RGS5: variants seen among roughly 807,000 people sequenced by gnomAD.
The protein encoded by RGS5 is regulator of G protein signaling 5, also known as regulator of G-protein signalling 5.
In RGS5, 20 loss-of-function variants were observed where a neutral mutation model predicts 18.9. That is an observed-to-expected ratio of 1.06 (90% CI 0.74 to 1.54). RGS5 has a LOEUF of 1.54. Ranked by LOEUF, RGS5 falls within the 40% of genes most tolerant of loss-of-function variation. The pLI, the probability that RGS5 is intolerant of heterozygous loss-of-function variation, is 0.00. For synonymous variants in RGS5, 57 were observed against 76.2 expected (o/e 0.75, Z 1.31); for missense variants, 201 against 211.8 (o/e 0.95, Z 0.32).
intron 2 of RGS5, among the ~76,000 whole-genome samples, chr1:163,293,593 C>T (rs569269269): frequency 2.0e-5 from 3 of 152,174 alleles, no homozygotes; most frequent in African/African-American, 7.2e-5. Flanking sequence ...GCCCCTGGCC[C>T]CTCCCAAATC....
At chr1:163,218,405 A>G (rs1360056496), upstream of RGS5, among the ~76,000 whole-genome samples, 1 of 152,176 alleles carries the variant, frequency 6.6e-6, no homozygotes, top group African/African-American at 2.4e-5. Context: ...TATCATTTAC[A>G]TTCAAAACTA....
At position 163,152,597 on chromosome 1, in the gene RGS5, C is replaced by A; in HGVS notation, c.337G>T (p.Ala113Ser). 6.2e-7 allele frequency: 1 copy of A among 1,612,842 alleles called. No individual in the cohort carries two copies. The highest frequency in any genetic ancestry group is 8.5e-7 in the Non-Finnish European group (1 of 1,179,294). The change falls in exon 4 of 5, where the codon GCA becomes TCA. Residue 113 changes from alanine to serine, a missense_variant. By Grantham distance (99) the Ala-to-Ser change is moderately conservative. Coordinates refer to ENST00000313961, the MANE Select transcript of RGS5 (RefSeq NM_003617.4). ...IKSPAKMAEK[A>S]KQIYEEFIQT... is the part of the protein sequence containing the mutation. ...ATGAATTCTTCATAAATTTGCTTTG[C>A]CTTCTCAGCCATCTTGGCAGGGGAC...
At chr1:163,245,874 T>A (rs531880336) in intron 2 of RGS5, among the ~76,000 whole-genome samples, 15 of 152,356 alleles carry the variant, frequency 9.8e-5, no homozygotes, top group African/African-American at 3.6e-4. Flanking sequence ...ATCACTCAGA[T>A]TATGCCTTCA....
chr1:163,170,945 G>A (rs1207320751), intron 1 of RGS5, among the ~76,000 whole-genome samples: 1 of 152,156 alleles, frequency 6.6e-6, no homozygotes, highest in Non-Finnish European at 1.5e-5. Context: ...AATTTGGACT[G>A]ATAAAATAGT....
intron 1 of RGS5, among the ~76,000 whole-genome samples, chr1:163,199,017 C>A (rs1215703497): frequency 6.6e-6 from 1 of 151,854 alleles, no homozygotes. Context: ...TCCCAAAGAG[C>A]AATATTTACT....
chr1:163,152,537 C>A lies in RGS5; in HGVS notation c.384+13G>T. Reference sequence around the variant, plus strand: ...GAGCTGCCCTTAACTGACCCACCTACCCAGAGACCAACCTCTTTAGGAGCC... The same window carrying A: ...GAGCTGCCCTTAACTGACCCACCTAACCAGAGACCAACCTCTTTAGGAGCC... On this transcript the variant is annotated intron_variant, in intron 4 of 4. Transcript: ENST00000313961. 2 of 1,606,182 alleles carry A rather than the reference C, an allele frequency of 1.2e-6. No individual in the cohort carries two copies. Among genetic ancestry groups the A allele is most frequent in the Non-Finnish European group, 8.5e-7 (1 of 1,176,542 alleles).
upstream of RGS5, among the ~76,000 whole-genome samples, chr1:163,206,993 CAACT>C (rs759720535): frequency 7.2e-5 from 11 of 152,056 alleles, 1 homozygote; most frequent in Admixed American, 1.3e-4. Flanking sequence ...ATTATAATGA[CAACT>C]AACACTACTG....
intron 2 of RGS5, among the ~76,000 whole-genome samples, chr1:163,279,356 T>C (rs1648934600): frequency 6.6e-6 from 1 of 150,902 alleles, no homozygotes; most frequent in African/African-American, 2.4e-5. Context: ...TAGAAATCAA[T>C]AAGAAGAGGA....
chr1:163,194,888 T>C (rs946713590), intron 1 of RGS5, among the ~76,000 whole-genome samples: 1 of 152,160 alleles, frequency 6.6e-6, no homozygotes, highest in Non-Finnish European at 1.5e-5. Flanking sequence ...AAAGACTTGA[T>C]ATGTTTTGTA....
intron 2 of RGS5, among the ~76,000 whole-genome samples, chr1:163,249,624 C>T (rs1648054537): frequency 6.6e-6 from 1 of 152,160 alleles, no homozygotes; most frequent in Non-Finnish European, 1.5e-5. Context: ...AACCCTGTCT[C>T]TACTAAAAAT....
chr1:163,212,297 C>T (rs1014914062), intron 1 of RGS5: 5 of 152,128 alleles, frequency 3.3e-5, no homozygotes, highest in Non-Finnish European at 7.4e-5. Flanking sequence ...TTTTATTTGT[C>T]TTTGGGTCCC....
At chr1:163,160,014 T>C (rs964118406) in intron 3 of RGS5, among the ~76,000 whole-genome samples, 1 of 152,148 alleles carries the variant, frequency 6.6e-6, no homozygotes, top group Admixed American at 6.6e-5. Context: ...AATCATCTGT[T>C]TGCAAGCTGA....
intron 2 of RGS5, among the ~76,000 whole-genome samples, chr1:163,294,566 T>A (rs1425823534): frequency 1.3e-5 from 2 of 152,220 alleles, no homozygotes; most frequent in African/African-American, 4.8e-5. Context: ...GGGGCTTCCA[T>A]GAAGATCTCT....
intron 4 of RGS5, 86 bp from the exon 5 acceptor site, chr1:163,147,589 A>G: frequency 2.4e-6 from 3 of 1,227,964 alleles, no homozygotes; most frequent in Non-Finnish European, 2.2e-6. Flanking sequence ...TTTCTCATCA[A>G]TAAAACATAA....
intron 2 of RGS5, among the ~76,000 whole-genome samples, chr1:163,245,986 C>G (rs185238932): frequency 6.6e-6 from 1 of 152,050 alleles, no homozygotes; most frequent in Admixed American, 6.5e-5. Context: ...GAGGCCAAGG[C>G]GGGCGGATCA....
intron 2 of RGS5, among the ~76,000 whole-genome samples, chr1:163,298,545 T>G (rs2101730309): frequency 6.6e-6 from 1 of 152,130 alleles, no homozygotes; most frequent in South Asian, 2.1e-4. Context: ...GAGGAGGGAA[T>G]GCATGGAGAA....
At chr1:163,278,172 C>T (rs1442896152) in intron 2 of RGS5, among the ~76,000 whole-genome samples, 1 of 151,730 alleles carries the variant, frequency 6.6e-6, no homozygotes, top group East Asian at 1.9e-4. Flanking sequence ...TTAAAAAGTC[C>T]CAAATAGATT....
chr1:163,255,702 A>C (rs1199343878), intron 2 of RGS5, among the ~76,000 whole-genome samples: 3 of 151,764 alleles, frequency 2.0e-5, no homozygotes, highest in Non-Finnish European at 4.4e-5. Context: ...CATTGATGCA[A>C]AAATCCTCAG....
chr1:163,162,529 C>T (rs559564712), intron 2 of RGS5, among the ~76,000 whole-genome samples: 5 of 142,962 alleles, frequency 3.5e-5, no homozygotes, highest in Non-Finnish European at 5.9e-5. Context: ...ATGTTAAAAA[C>T]GTAGGCGCAT....
Sources: allele counts gnomAD v4.1 joint callset (sites outside exome capture counted in the v4.1 genomes callset), GRCh38; gene constraint gnomAD v4.1.1; transcripts MANE v1.5; gene names NCBI Gene and HGNC (gene_info 2026-07-23, HGNC 2026-07-21).